Variants in FHL3 observed in about 807,000 individuals in gnomAD.
The protein encoded by FHL3 is four and a half LIM domains protein 3.
FHL3 carries 21 observed loss-of-function variants against 34.3 expected under a neutral mutation model. The ratio of observed to expected loss-of-function variants is 0.61; its 90% CI spans 0.43 to 0.88. The LOEUF is 0.88. FHL3 is among the 40% of genes least tolerant of loss of function. The probability of loss-of-function intolerance (pLI) is 0.00; values close to 1 mark genes in which losing one functional copy is unlikely to be tolerated. For synonymous variants in FHL3, 137 were observed against 144.6 expected, an observed-to-expected ratio of 0.95 and a Z score of 0.38; for missense variants, 333 against 373.7, an observed-to-expected ratio of 0.89 and a Z score of 0.90.
In FHL3 at chr1:37,999,007, G is replaced by A; in HGVS notation, c.298C>T (p.Gln100Ter). ...ACAGTCTCCCCACAAGCGGAGCACT[G>A]CGAGGAAAACGCACTGCAGTAGCAG... ...NDCYCSAFSS[Q>*]CSACGETVMP... is the part of the protein sequence containing the mutation. The change falls in exon 3 of 6, where the codon CAG (glutamine) becomes TAG (stop). Residue 100 changes from glutamine (Q) to a stop codon, truncating the protein, a stop_gained. Transcript: ENST00000373016. LOFTEE classifies it high-confidence loss of function. 1 of 1,614,238 alleles carries A rather than the reference G, an allele frequency of 6.2e-7. No homozygotes were observed. Among genetic ancestry groups the A allele is most frequent in the Non-Finnish European group, 8.5e-7 (1 of 1,180,032 alleles).
chr1:38,003,109 G>A (rs1362918993), intron 1 of FHL3, among the ~76,000 whole-genome samples: 1 of 151,730 alleles, frequency 6.6e-6, no homozygotes, highest in Non-Finnish European at 1.5e-5. Context: ...AGTGAGCCAA[G>A]ATCATGTCAT....
intron 1 of FHL3, among the ~76,000 whole-genome samples, chr1:38,004,414 A>G (rs997833055): frequency 2.4e-4 from 36 of 151,940 alleles, no homozygotes; most frequent in African/African-American, 7.0e-4. Flanking sequence ...TCACCTCCCA[A>G]TGGTTCAGGC....
rs1646566877 is a variant in FHL3, at chr1:37,999,117, T to C, written c.188A>G (p.Glu63Gly). Reference protein sequence around the residue: ...ELFYEDRHFHEGCFRCCRCQR... With the variant: ...ELFYEDRHFHGGCFRCCRCQR... ...GCAGCGGCAGCAGCGGAAGCAGCCCTCGTGGAAATGGCGGTCTTCATAGAA... is the reference window on the plus strand; with the variant it reads ...GCAGCGGCAGCAGCGGAAGCAGCCCCCGTGGAAATGGCGGTCTTCATAGAA... Residue 63 changes from glutamate to glycine, a missense_variant, in exon 3 of 6, where the codon GAG becomes GGG. Physicochemically the swap from Glu to Gly is moderately conservative, Grantham distance 98. Transcript: ENST00000373016. 2 of 1,614,068 alleles carry C rather than the reference T, an allele frequency of 1.2e-6. No homozygotes were observed. The highest frequency in any genetic ancestry group is 1.7e-5 in the Admixed American group (1 of 60,004).
chr1:38,001,640 G>A (rs1646595999), intron 1 of FHL3, among the ~76,000 whole-genome samples: 1 of 152,200 alleles, frequency 6.6e-6, no homozygotes, highest in South Asian at 2.1e-4. Context: ...TGCGGGGACT[G>A]AAGGGAGCCA....
chr1:38,005,097 C>T (rs906512492), intron 1 of FHL3, among the ~76,000 whole-genome samples: 1 of 152,220 alleles, frequency 6.6e-6, no homozygotes, highest in African/African-American at 2.4e-5. Flanking sequence ...TCCGGCTTTT[C>T]TATTTCAAAC....
rs201132824 is a variant in FHL3 at position 37,997,973 on chromosome 1, C to A, written c.491G>T (p.Arg164Leu). 4 of 1,614,138 alleles carry A rather than the reference C, an allele frequency of 2.5e-6. No individual in the cohort carries two copies. ...YENKFAPRCARCSKTLTQGGV... is the reference protein window; with the variant it reads ...YENKFAPRCALCSKTLTQGGV... ...TGGCCCAGCCCCCACCTTGCTGCAG[C>A]GGGCGCAGCGAGGAGCAAACTTGTT... Residue 164 changes from arginine to leucine, a missense_variant, in exon 4 of 6, where the codon CGC becomes CTC. Arg to Leu is a moderately radical substitution (Grantham distance 102). Coordinates refer to ENST00000373016, the MANE Select transcript of FHL3 (RefSeq NM_004468.5). The surrounding 1 kb of genome is among the most constrained non-coding windows in gnomAD (Gnocchi z 4.3).
intron 1 of FHL3, among the ~76,000 whole-genome samples, chr1:38,003,791 C>T (rs879326784): frequency 6.6e-6 from 1 of 152,186 alleles, no homozygotes; most frequent in South Asian, 2.1e-4. Flanking sequence ...AAATGCTGCC[C>T]TGGTGATGAA....
chr1:38,004,202 G>A (rs1432155547), intron 1 of FHL3, among the ~76,000 whole-genome samples: 1 of 152,156 alleles, frequency 6.6e-6, no homozygotes, highest in Non-Finnish European at 1.5e-5. Context: ...CAGCTGCTCT[G>A]GGGACATGAG....
At position 37,997,194 on chromosome 1, in the gene FHL3, CT is replaced by C. The variant is rs751963378; in HGVS notation, c.*210del. On this transcript the variant is annotated 3_prime_UTR_variant, in exon 6 of 6. Transcript: ENST00000373016. This position sits in a 1 kb window ranked among gnomAD's most constrained non-coding sequence, Gnocchi z 4.3. Reference sequence around the variant, plus strand: ...CTGGAGTCCAGGTGTGGGGAGGGGGCTTGACTCATGGAGGCTCTGTAAGAGC... The same window carrying C: ...CTGGAGTCCAGGTGTGGGGAGGGGGCTGACTCATGGAGGCTCTGTAAGAGC... The C allele has an allele frequency of 3.5e-6, 2 of 566,436 alleles. No individual in the cohort carries two copies. Among genetic ancestry groups the C allele is most frequent in the Non-Finnish European group, 6.3e-6 (2 of 319,150 alleles). 35.1% of individuals were successfully genotyped at this position (566,436 alleles called of 1,614,324 possible).
intron 1 of FHL3, among the ~76,000 whole-genome samples, chr1:38,000,680 G>A (rs1646584949): frequency 6.6e-6 from 1 of 152,158 alleles, no homozygotes; most frequent in African/African-American, 2.4e-5. Context: ...CTAGGGAGTG[G>A]AGCGGTAGGG....
Position 38,005,377 on chromosome 1 carries a change from CG to C in FHL3, c.-42del, listed in dbSNP as rs1194383823. On this transcript the variant is annotated 5_prime_UTR_variant, in exon 1 of 6. Coordinates refer to ENST00000373016, the MANE Select transcript of FHL3 (RefSeq NM_004468.5). ...CTCACCTCGAAGCGGGCGGCGGGAG[CG>C]GGGAGCGCGCGGCGCAGGCGGGGCC... 1.3e-5 allele frequency: 2 copies of C among 149,340 alleles called. No individual in the cohort carries two copies. Among genetic ancestry groups the C allele is most frequent in the African/African-American group, 4.9e-5 (2 of 41,122 alleles). The allele number at this position is 149,340 out of a possible 1,614,324, so 9.3% of individuals were successfully genotyped here.
rs191897113 is a variant in FHL3, at chr1:38,002,027, A to G, written c.-20-2595T>C. The stretch of plus-strand genomic sequence containing the variant: ...AAATGGTAGCTATTAGTATTTTACT[A>G]TTAGCGCCCTCACTCATACTGGGGC... On this transcript the variant is annotated intron_variant, in intron 1 of 5. Coordinates refer to ENST00000373016, the MANE Select transcript of FHL3 (RefSeq NM_004468.5). Among the ~76,000 whole-genome samples the G allele has an allele frequency of 1.1e-3, 172 of 152,288 alleles. 2 individuals are homozygous for G. The South Asian group carries it at 0.019, about 16-fold the overall frequency.
chr1:37,998,504 G>A (rs1025492062), intron 3 of FHL3, among the ~76,000 whole-genome samples: 4 of 152,142 alleles, frequency 2.6e-5, no homozygotes, highest in Admixed American at 6.5e-5. Flanking sequence ...AGGCAAGTAA[G>A]TATCTGCCCA....
intron 1 of FHL3, 114 bp from the exon 2 acceptor site, chr1:37,999,546 A>C: frequency 1.1e-6 from 1 of 940,238 alleles, no homozygotes; most frequent in Non-Finnish European, 1.6e-6. Context: ...AGGAAATGCC[A>C]GTTCAGAGTA....
Position 37,997,427 on chromosome 1 carries a change from C to G in FHL3, c.821G>C (p.Gly274Ala). The change falls in exon 6 of 6, where the codon GGC (glycine) becomes GCC (alanine). Residue 274 changes from glycine (G) to alanine (A), a missense_variant. Coordinates refer to ENST00000373016, the MANE Select transcript of FHL3 (RefSeq NM_004468.5). The surrounding 1 kb of genome is among the most constrained non-coding windows in gnomAD (Gnocchi z 4.3). ...GGCTTAGGGCCCTGCCTGGCTACAGCCCTGGCAGAGCACTTGGTCTCCATC... is the reference window on the plus strand; with the variant it reads ...GGCTTAGGGCCCTGCCTGGCTACAGGCCTGGCAGAGCACTTGGTCTCCATC... ...VPDGDQVLCQ[G>A]CSQAGP The G allele has an allele frequency of 6.2e-7, 1 of 1,613,932 alleles. No individual in the cohort carries two copies. Among genetic ancestry groups the G allele is most frequent in the Non-Finnish European group, 8.5e-7 (1 of 1,179,900 alleles).
chr1:38,001,816 C>G (rs910720652), intron 1 of FHL3, among the ~76,000 whole-genome samples: 5 of 152,204 alleles, frequency 3.3e-5, no homozygotes, highest in African/African-American at 4.8e-5. Flanking sequence ...GTGTATGGAG[C>G]AGCTCAAGCT....
chr1:37,998,293 TAACC>T (rs895196068), intron 3 of FHL3, among the ~76,000 whole-genome samples, 161 bp from the exon 4 acceptor site: 5 of 152,084 alleles, frequency 3.3e-5, no homozygotes, highest in Admixed American at 3.3e-4. Context: ...TTACACATGC[TAACC>T]TCTCCCCAGA....
At chr1:38,003,253 C>T (rs1395290755) in intron 1 of FHL3, among the ~76,000 whole-genome samples, 6 of 152,226 alleles carry the variant, frequency 3.9e-5, no homozygotes, top group Admixed American at 3.3e-4. Context: ...AGCCATGTGC[C>T]ACCATGCCCA....
intron 1 of FHL3, among the ~76,000 whole-genome samples, chr1:38,001,430 C>T (rs920433292): frequency 6.6e-6 from 1 of 152,344 alleles, no homozygotes; most frequent in Non-Finnish European, 1.5e-5. Flanking sequence ...GGGTCCACCC[C>T]CTGAGAGACA....
Sources: gnomAD v4.1 joint callset for allele counts (sites outside exome capture counted in the v4.1 genomes callset) on GRCh38, gnomAD v4.1.1 for gene constraint, Gnocchi (gnomAD v3.1) non-coding constraint, MANE v1.5 for transcripts, NCBI Gene and HGNC (gene_info 2026-07-23, HGNC 2026-07-21) for gene names.